CADPS: variants seen among roughly 807,000 people sequenced by gnomAD.
CADPS encodes the protein calcium dependent secretion activator, also known as calcium-dependent secretion activator 1.
A neutral mutation model predicts 167.3 loss-of-function variants in CADPS; 57 were observed. The ratio of observed to expected loss-of-function variants is 0.34; its 90% CI spans 0.28 to 0.42. The LOEUF is 0.42. CADPS is among the 20% of genes least tolerant of loss of function. The pLI is 1.00. For missense variants in CADPS, 1,414 were observed against 1,738.1 expected, an observed-to-expected ratio of 0.81 and a Z score of 3.32; for synonymous variants, 676 against 635.3, an observed-to-expected ratio of 1.06 and a Z score of -0.96.
At chr3:62,835,653 C>T (rs780405249) in intron 1 of CADPS, among the ~76,000 whole-genome samples, 3 of 152,050 alleles carry the variant, frequency 2.0e-5, no homozygotes, top group Admixed American at 6.6e-5. Flanking sequence ...AAAGAGGGGA[C>T]GTGGCAAATC....
chr3:62,839,805 G>A (rs1352201653), intron 1 of CADPS, among the ~76,000 whole-genome samples: 1 of 152,194 alleles, frequency 6.6e-6, no homozygotes, highest in Non-Finnish European at 1.5e-5. Context: ...AAGGAAGGCA[G>A]ATGCATCAAA....
At chr3:62,846,126 T>C (rs2077392524) in intron 1 of CADPS, among the ~76,000 whole-genome samples, 1 of 151,984 alleles carries the variant, frequency 6.6e-6, no homozygotes, top group South Asian at 2.1e-4. Context: ...TTCTCCCTTC[T>C]ACCATGATTG....
At chr3:62,640,664 T>C (rs1442898472) in intron 6 of CADPS, among the ~76,000 whole-genome samples, 1 of 152,200 alleles carries the variant, frequency 6.6e-6, no homozygotes, top group African/African-American at 2.4e-5. Flanking sequence ...ACGAAGCCCA[T>C]GGCCTGTCAG....
At chr3:62,816,540 T>C (rs967288813) in intron 1 of CADPS, among the ~76,000 whole-genome samples, 1 of 151,958 alleles carries the variant, frequency 6.6e-6, no homozygotes, top group Non-Finnish European at 1.5e-5. Context: ...TACTCCATGG[T>C]GAGAAAAAGG....
chr3:62,759,019 GAGTA>G (rs2084703092), intron 2 of CADPS, among the ~76,000 whole-genome samples: 2 of 152,154 alleles, frequency 1.3e-5, no homozygotes, highest in African/African-American at 4.8e-5. Context: ...CTAGATGTTG[GAGTA>G]AGTAAGGTTT....
In CADPS at chr3:62,585,339, G is replaced by C. The variant is rs2084354598; in HGVS notation, c.1438-15C>G. On this transcript the variant is annotated splice_polypyrimidine_tract_variant and intron_variant, in intron 7 of 29. Coordinates refer to ENST00000383710, the MANE Select transcript of CADPS (RefSeq NM_003716.4). ...TGGAGAATAACCTGTAGGGGAAAAA[G>C]GACAAGCAACTAGAAAAGAGAAGCA... The C allele has an allele frequency of 6.3e-7, 1 of 1,591,326 alleles. No homozygotes were observed. The highest frequency in any genetic ancestry group is 1.9e-5 in the Admixed American group (1 of 52,402).
Position 62,405,486 on chromosome 3 carries a change from C to T in CADPS, c.3778-2301G>A, listed in dbSNP as rs556569794. Among the ~76,000 whole-genome samples, 5 of 151,968 alleles carry T rather than the reference C, an allele frequency of 3.3e-5. No homozygotes were observed. The South Asian group carries it at 8.3e-4, about 25-fold the overall frequency. ...AAAATAAAATAACGCAACCCCCTGC[C>T]GCCCCTCCATTTTATGTAAGCAGTT... On this transcript the variant is annotated intron_variant, in intron 28 of 29. Coordinates refer to ENST00000383710, the MANE Select transcript of CADPS (RefSeq NM_003716.4).
chr3:62,589,574 C>T (rs1419337101), intron 7 of CADPS, among the ~76,000 whole-genome samples: 2 of 152,210 alleles, frequency 1.3e-5, no homozygotes, highest in East Asian at 3.9e-4. Context: ...ACTGAACCCT[C>T]TGGGCGTCAG....
rs1181230944 is a variant in CADPS, at chr3:62,478,073, G to C, written c.3329+188C>G. 1 of 592,952 alleles carries C rather than the reference G, an allele frequency of 1.7e-6. No homozygotes were observed. The highest frequency in any genetic ancestry group is 2.8e-5 in the East Asian group (1 of 35,564). 36.7% of individuals were successfully genotyped at this position (592,952 alleles called of 1,614,324 possible). ...TGGCAGCCAGATTATTTTGGGTTTG[G>C]GACAGATGGAGGGCAGGTGAATGGA... On this transcript the variant is annotated intron_variant, in intron 23 of 29. Coordinates refer to ENST00000383710, the MANE Select transcript of CADPS (RefSeq NM_003716.4). The surrounding 1 kb of genome is among the most constrained non-coding windows in gnomAD (Gnocchi z 5.7).
At chr3:62,496,665 A>C (rs1055704439) in intron 18 of CADPS, among the ~76,000 whole-genome samples, 1 of 152,194 alleles carries the variant, frequency 6.6e-6, no homozygotes, top group Non-Finnish European at 1.5e-5. Flanking sequence ...TCCACTTTAC[A>C]GGATGAGAGA....
intron 11 of CADPS, among the ~76,000 whole-genome samples, chr3:62,540,089 T>C (rs557196154): frequency 2.5e-4 from 38 of 152,230 alleles, no homozygotes; most frequent in African/African-American, 9.1e-4. Flanking sequence ...ACAAACAGGA[T>C]CTTTAGTGTT....
intron 1 of CADPS, among the ~76,000 whole-genome samples, chr3:62,809,999 A>G (rs536144610): frequency 5.3e-5 from 8 of 152,296 alleles, no homozygotes; most frequent in Non-Finnish European, 4.4e-5. Flanking sequence ...ATTATTTTCA[A>G]GTGGTCCACA....
chr3:62,461,428 T>C (rs1299096916), intron 26 of CADPS, among the ~76,000 whole-genome samples: 1 of 152,162 alleles, frequency 6.6e-6, no homozygotes, highest in Non-Finnish European at 1.5e-5. Flanking sequence ...TCTTTTTTAC[T>C]GTACTCCATG....
At chr3:62,667,091 G>A (rs917417830) in intron 3 of CADPS, among the ~76,000 whole-genome samples, 6 of 137,082 alleles carry the variant, frequency 4.4e-5, no homozygotes, top group Admixed American at 8.2e-5. Context: ...ACAAGCAATC[G>A]AATCTTTCTG....
intron 11 of CADPS, among the ~76,000 whole-genome samples, chr3:62,539,622 A>AT (rs1246448061): frequency 6.6e-6 from 1 of 152,010 alleles, no homozygotes; most frequent in Non-Finnish European, 1.5e-5. Context: ...GGGTTTCGGT[A>AT]TTTTTTGTTT....
At chr3:62,650,570 A>G (rs2069838061) in intron 5 of CADPS, among the ~76,000 whole-genome samples, 2 of 152,194 alleles carry the variant, frequency 1.3e-5, no homozygotes, top group South Asian at 2.1e-4. Context: ...TCTAAATTAT[A>G]TAAGGTCTTT....
chr3:62,594,832 A>T (rs1189882679), intron 6 of CADPS, among the ~76,000 whole-genome samples: 1 of 152,198 alleles, frequency 6.6e-6, no homozygotes, highest in Non-Finnish European at 1.5e-5. Flanking sequence ...TATTCCCAAA[A>T]TGCTTTCCAC....
intron 8 of CADPS, among the ~76,000 whole-genome samples, chr3:62,574,188 T>C (rs2081849530): frequency 6.6e-6 from 1 of 152,160 alleles, no homozygotes; most frequent in Admixed American, 6.5e-5. Context: ...CTCATCTCTA[T>C]GCTCCATTCA....
chr3:62,797,762 C>CA (rs2093524538), intron 1 of CADPS, among the ~76,000 whole-genome samples: 1 of 151,966 alleles, frequency 6.6e-6, no homozygotes, highest in Non-Finnish European at 1.5e-5. Flanking sequence ...AACTGACCCC[C>CA]AGGACACAAG....
Sources: allele counts gnomAD v4.1 joint callset (sites outside exome capture counted in the v4.1 genomes callset), GRCh38; gene constraint gnomAD v4.1.1; non-coding constraint Gnocchi (gnomAD v3.1); transcripts MANE v1.5; gene names NCBI Gene and HGNC (gene_info 2026-07-23, HGNC 2026-07-21).